The following POLR2F variants were observed in gnomAD, a reference collection of about 807,000 sequenced individuals.
The protein encoded by POLR2F is RNA polymerase II, I and III subunit F, also known as DNA-directed RNA polymerases I, II, and III subunit RPABC2.
POLR2F carries 12 observed loss-of-function variants against 22.7 expected under a neutral mutation model. The observed-to-expected ratio is 0.53, with a 90% CI of 0.34 to 0.86. The LOEUF (loss-of-function observed/expected upper bound fraction) is 0.86. Ranked by LOEUF, POLR2F falls within the 40% of genes least tolerant of loss-of-function variation. The probability of loss-of-function intolerance (pLI) is 0.02; values close to 1 mark genes in which losing one functional copy is unlikely to be tolerated. For synonymous variants in POLR2F, 57 were observed against 66.0 expected (o/e 0.86, Z 0.66); for missense variants, 126 against 171.5 (o/e 0.73, Z 1.48).
intron 1 of POLR2F, among the ~76,000 whole-genome samples, chr22:38,011,581 G>A (rs1295046346): frequency 6.6e-6 from 1 of 151,626 alleles, no homozygotes; most frequent in Admixed American, 6.6e-5. Context: ...GACCACATGT[G>A]TGGGTCTATT....
At chr22:38,038,617 A>C (rs533931741) in intron 5 of POLR2F, among the ~76,000 whole-genome samples, 93 of 151,646 alleles carry the variant, frequency 6.1e-4, no homozygotes, top group Non-Finnish European at 1.1e-3. Flanking sequence ...TCTCTGCTCC[A>C]AGTTGTTTTC....
chr22:38,005,236 C>T (rs2084810503), intron 1 of POLR2F, among the ~76,000 whole-genome samples: 1 of 152,260 alleles, frequency 6.6e-6, no homozygotes, highest in African/African-American at 2.4e-5. Context: ...ACGTCCTTCA[C>T]TCCAGCCTCC....
chr22:37,994,380 C>T (rs1377729392), intron 1 of POLR2F, among the ~76,000 whole-genome samples: 1 of 152,212 alleles, frequency 6.6e-6, no homozygotes, highest in African/African-American at 2.4e-5. Context: ...CAGGGTCTCA[C>T]TCTGTGGCCC....
At chr22:37,958,885 T>C (rs1931510204) in intron 2 of POLR2F, among the ~76,000 whole-genome samples, 1 of 152,230 alleles carries the variant, frequency 6.6e-6, no homozygotes, top group Non-Finnish European at 1.5e-5. Flanking sequence ...AATTGTTAAA[T>C]ATTCCTGCCT....
chr22:37,995,655 G>A (rs1442385193), intron 1 of POLR2F, among the ~76,000 whole-genome samples: 7 of 152,090 alleles, frequency 4.6e-5, no homozygotes, highest in Non-Finnish European at 1.5e-5. Flanking sequence ...GAATGAATGA[G>A]TGGTGAGGAC....
chr22:37,975,814 G>A (rs1229312148), intron 4 of POLR2F, among the ~76,000 whole-genome samples: 1 of 152,152 alleles, frequency 6.6e-6, no homozygotes, highest in Non-Finnish European at 1.5e-5. Context: ...AGCCTTCCTT[G>A]ACAAGAGTCT....
chr22:38,028,263 T>C (rs1026104657), downstream of POLR2F, among the ~76,000 whole-genome samples: 3 of 152,098 alleles, frequency 2.0e-5, no homozygotes, highest in African/African-American at 7.2e-5. Context: ...AGAGCCAGGA[T>C]TGGAGGCTGC....
chr22:38,040,993 C>T (rs748016797), intron 5 of POLR2F: 3 of 1,605,738 alleles, frequency 1.9e-6, no homozygotes, highest in African/African-American at 2.7e-5. Context: ...TGAAGTTCTT[C>T]ATGTATTTCA....
intron 1 of POLR2F, among the ~76,000 whole-genome samples, chr22:37,992,435 C>T (rs949061639): frequency 6.6e-6 from 1 of 151,564 alleles, no homozygotes; most frequent in Non-Finnish European, 1.5e-5. Context: ...CACTCTGTTG[C>T]CTAGGCTTGA....
chr22:37,979,793 G>T (rs369380764), intron 4 of POLR2F, among the ~76,000 whole-genome samples: 1 of 152,156 alleles, frequency 6.6e-6, no homozygotes, highest in East Asian at 1.9e-4. Context: ...AGAGGGGGTC[G>T]AGGGGAAAGT....
chr22:37,987,494 G>T, intron 1 of POLR2F: 1 of 356,500 alleles, frequency 2.8e-6, no homozygotes. Context: ...CCCCCACTGG[G>T]TCCCTGGTCC....
downstream of POLR2F, chr22:37,971,271 T>C (rs1932042650): frequency 2.1e-6 from 1 of 471,012 alleles, no homozygotes; most frequent in African/African-American, 2.0e-5. Context: ...CTTCTTAGCA[T>C]CAGCCTCGCA....
rs946736259 is a variant in POLR2F at position 38,036,300 on chromosome 22, T to C, written c.453-4768T>C. On this transcript the variant is annotated intron_variant, in intron 5 of 5. Coordinates refer to the POLR2F transcript ENST00000407936. Reference sequence around the variant, plus strand: ...CCGAGCCCCTGCTTTTCTAGGCCATTTGCTGATGTCACGGCACCATGAGGC... The same window carrying C: ...CCGAGCCCCTGCTTTTCTAGGCCATCTGCTGATGTCACGGCACCATGAGGC... 4.0e-5 allele frequency among the ~76,000 whole-genome samples: 6 copies of C among 151,764 alleles called. No individual in the cohort carries two copies. The East Asian group carries it at 1.2e-3, about 29-fold the overall frequency.
chr22:37,994,802 G>A lies in POLR2F; in HGVS notation c.120+8490G>A, dbSNP rs191665534. Among the ~76,000 whole-genome samples the A allele has an allele frequency of 4.1e-3, 619 of 152,210 alleles. 5 individuals are homozygous for A. Among genetic ancestry groups the A allele is most frequent in the Non-Finnish European group, 6.0e-3 (410 of 68,020 alleles). On this transcript the variant is annotated intron_variant, in intron 1 of 2. Transcript: ENST00000333418. Reference sequence around the variant, plus strand: ...ATTACAGGCGTGAGCCACCGCACCCGGCCAATTTTTGTATTTTTTTGTAGA... The same window carrying A: ...ATTACAGGCGTGAGCCACCGCACCCAGCCAATTTTTGTATTTTTTTGTAGA...
At chr22:38,040,911 C>G (rs1396729096) in intron 5 of POLR2F, 8 of 1,164,526 alleles carry the variant, frequency 6.9e-6, no homozygotes, top group Non-Finnish European at 1.0e-5. Flanking sequence ...GGGGCAAGGA[C>G]CCTGGACAGG....
At chr22:38,026,131 T>C (rs748528818) in exon 2 of POLR2F, 3 of 533,694 alleles carry the variant, frequency 5.6e-6, no homozygotes, top group South Asian at 4.2e-5. Context: ...CCCAGAAGGC[T>C]GGCCTTCAGA....
intron 4 of POLR2F, 78 bp from the exon 5 acceptor site, chr22:37,967,547 T>A: frequency 6.3e-7 from 1 of 1,575,294 alleles, no homozygotes; most frequent in Non-Finnish European, 8.6e-7. Flanking sequence ...TGCTTGTGTT[T>A]TGCACACAAT....
At chr22:38,038,019 GTGCT>G (rs2085133160) in intron 5 of POLR2F, among the ~76,000 whole-genome samples, 1 of 151,896 alleles carries the variant, frequency 6.6e-6, no homozygotes, top group Non-Finnish European at 1.5e-5. Flanking sequence ...AGCACAGTAG[GTGCT>G]CATGAACAGT....
intron 1 of POLR2F, among the ~76,000 whole-genome samples, chr22:38,014,159 T>C (rs1042312223): frequency 6.6e-6 from 1 of 151,712 alleles, no homozygotes; most frequent in African/African-American, 2.4e-5. Flanking sequence ...GAAATATAAT[T>C]GACTTGTATT....
Sources: gnomAD v4.1 joint callset for allele counts (sites outside exome capture counted in the v4.1 genomes callset) on GRCh38, gnomAD v4.1.1 for gene constraint, MANE v1.5 for transcripts, NCBI Gene and HGNC (gene_info 2026-07-23, HGNC 2026-07-21) for gene names.